PCDH9: variants seen among roughly 807,000 people sequenced by gnomAD.
PCDH9 encodes the protein protocadherin 9, also known as protocadherin-9.
A neutral mutation model predicts 70.6 loss-of-function variants in PCDH9; 24 were observed. That is an observed-to-expected ratio of 0.34 (90% CI 0.25 to 0.48). PCDH9 has a LOEUF of 0.48. Ranked by LOEUF, PCDH9 falls within the 20% of genes least tolerant of loss-of-function variation. The pLI, the probability that PCDH9 is intolerant of heterozygous loss-of-function variation, is 0.99. For synonymous variants in PCDH9, 562 were observed against 558.5 expected (o/e 1.01, Z -0.09); for missense variants, 1,281 against 1,503.6 (o/e 0.85, Z 2.45).
At chr13:66,629,288 G>T (rs1211643558) in intron 4 of PCDH9, among the ~76,000 whole-genome samples, 1 of 152,084 alleles carries the variant, frequency 6.6e-6, no homozygotes, top group African/African-American at 2.4e-5. Context: ...TTTGTCTGAG[G>T]CCCATAGACA....
chr13:66,579,202 T>G (rs1258000706), intron 4 of PCDH9, among the ~76,000 whole-genome samples: 1 of 152,106 alleles, frequency 6.6e-6, no homozygotes, highest in Non-Finnish European at 1.5e-5. Flanking sequence ...CTAAAATTGA[T>G]GTTCCTATTA....
At chr13:66,808,303 C>T (rs565028774) in intron 3 of PCDH9, among the ~76,000 whole-genome samples, 1 of 151,944 alleles carries the variant, frequency 6.6e-6, no homozygotes, top group Non-Finnish European at 1.5e-5. Context: ...GAGTTTGATA[C>T]TATATCCTCA....
At chr13:66,525,740 A>G (rs905845474) in intron 4 of PCDH9, among the ~76,000 whole-genome samples, 4 of 152,116 alleles carry the variant, frequency 2.6e-5, no homozygotes, top group Non-Finnish European at 5.9e-5. Context: ...ATTCTAGTGC[A>G]CTTCAGCCAT....
At chr13:66,374,603 G>C (rs559813019) in intron 4 of PCDH9, among the ~76,000 whole-genome samples, 1 of 151,868 alleles carries the variant, frequency 6.6e-6, no homozygotes, top group African/African-American at 2.4e-5. Flanking sequence ...ATTTGCCCCA[G>C]TCACACAAGT....
At chr13:67,144,168 T>A (rs1311616183) in intron 2 of PCDH9, among the ~76,000 whole-genome samples, 1 of 152,186 alleles carries the variant, frequency 6.6e-6, no homozygotes, top group Non-Finnish European at 1.5e-5. Context: ...CCTTTCCTGG[T>A]GTTGCCACAT....
chr13:67,096,672 G>A (rs2086326842), intron 2 of PCDH9, among the ~76,000 whole-genome samples: 1 of 152,080 alleles, frequency 6.6e-6, no homozygotes, highest in Non-Finnish European at 1.5e-5. Context: ...TAAAAGAGAT[G>A]GCAGGGCTGC....
At chr13:66,430,594 C>A (rs193227240) in intron 4 of PCDH9, among the ~76,000 whole-genome samples, 4 of 152,130 alleles carry the variant, frequency 2.6e-5, no homozygotes, top group Non-Finnish European at 5.9e-5. Context: ...CTGAGGGATG[C>A]CCACATGGTG....
At chr13:67,210,329 A>G (rs575117002) in intron 2 of PCDH9, 1 of 152,200 alleles carries the variant, frequency 6.6e-6, no homozygotes, top group East Asian at 1.9e-4. Flanking sequence ...ACCTCAAAAA[A>G]GATAGAGGCA....
At chr13:66,605,763 A>G (rs1174535150) in intron 4 of PCDH9, among the ~76,000 whole-genome samples, 2 of 152,160 alleles carry the variant, frequency 1.3e-5, no homozygotes, top group Admixed American at 1.3e-4. Flanking sequence ...ACAATATTAT[A>G]CAATATCATG....
intron 4 of PCDH9, among the ~76,000 whole-genome samples, chr13:66,380,641 T>C (rs1301678904): frequency 2.0e-5 from 3 of 146,912 alleles, no homozygotes; most frequent in African/African-American, 7.4e-5. Flanking sequence ...CCTCCCGGGT[T>C]CACGCCATTC....
intron 3 of PCDH9, among the ~76,000 whole-genome samples, chr13:66,822,976 A>G (rs1322976646): frequency 6.6e-6 from 1 of 152,118 alleles, no homozygotes; most frequent in Non-Finnish European, 1.5e-5. Context: ...TCTATTTTAA[A>G]ATGTTAACTT....
chr13:66,790,292 T>G (rs1483840816), intron 3 of PCDH9, among the ~76,000 whole-genome samples: 2 of 152,112 alleles, frequency 1.3e-5, no homozygotes, highest in African/African-American at 2.4e-5. Context: ...AAGATTTGGT[T>G]GTTTTCTTAT....
In PCDH9 at chr13:67,227,119, G is replaced by A; in HGVS notation, c.1322C>T (p.Ala441Val). ...TAAACTGGGCTTCCCAGAATCAGAG[G>A]CAACAATTTTAAAGCTGAATTCTTT... ...GTKEFSFKIV[A>V]SDSGKPSLNQ... Residue 441 changes from alanine (A) to valine (V), a missense_variant, in exon 2 of 5, where the codon GCC becomes GTC. By Grantham distance (64) the Ala-to-Val change is moderately conservative. Around this residue, in one of 4 missense-constraint regions of PCDH9, gnomAD observed 798 missense variants for 1,003.1 expected, o/e 0.80. Transcript: ENST00000377865. The surrounding 1 kb of genome is among the most constrained non-coding windows in gnomAD (Gnocchi z 4.6). 6.2e-7 allele frequency: 1 copy of A among 1,613,898 alleles called. No individual in the cohort carries two copies. Among genetic ancestry groups the A allele is most frequent in the Non-Finnish European group, 8.5e-7 (1 of 1,179,844 alleles).
intron 4 of PCDH9, among the ~76,000 whole-genome samples, chr13:66,614,018 A>G (rs2077325949): frequency 6.6e-6 from 1 of 151,778 alleles, no homozygotes; most frequent in Non-Finnish European, 1.5e-5. Context: ...ATGTGGAAGT[A>G]ACCACACCGT....
chr13:66,849,535 G>GAGAA (rs1566239401), intron 3 of PCDH9, among the ~76,000 whole-genome samples: 315 of 149,050 alleles, frequency 2.1e-3, no homozygotes, highest in African/African-American at 7.0e-3. Context: ...GAGAGAGAGA[G>GAGAA]AGAGAGAGAG....
At chr13:66,562,619 G>C (rs1457210820) in intron 4 of PCDH9, among the ~76,000 whole-genome samples, 1 of 152,120 alleles carries the variant, frequency 6.6e-6, no homozygotes, top group East Asian at 1.9e-4. Flanking sequence ...CACAAGAACA[G>C]TACAGGAAAA....
At chr13:66,927,437 T>A (rs2082734683) in intron 2 of PCDH9, among the ~76,000 whole-genome samples, 1 of 151,894 alleles carries the variant, frequency 6.6e-6, no homozygotes, top group Admixed American at 6.6e-5. Flanking sequence ...AAATATCTAA[T>A]GGGTACAAGG....
At chr13:66,508,159 A>AGTTATTTATCT (rs1233085504) in intron 4 of PCDH9, among the ~76,000 whole-genome samples, 2 of 152,166 alleles carry the variant, frequency 1.3e-5, no homozygotes, top group African/African-American at 4.8e-5. Flanking sequence ...TGCCCTAAAT[A>AGTTATTTATCT]ACTGTTTATC....
At chr13:66,546,271 CAT>C (rs994669463) in intron 4 of PCDH9, among the ~76,000 whole-genome samples, 17 of 151,830 alleles carry the variant, frequency 1.1e-4, no homozygotes, top group Admixed American at 2.0e-4. Context: ...ACAGCACACA[CAT>C]GTTATTGCTT....
Sources: allele counts gnomAD v4.1 joint callset (sites outside exome capture counted in the v4.1 genomes callset), GRCh38; gene constraint gnomAD v4.1.1; regional missense constraint gnomAD v4.1.1; non-coding constraint Gnocchi (gnomAD v3.1); transcripts MANE v1.5; gene names NCBI Gene and HGNC (gene_info 2026-07-23, HGNC 2026-07-21).